Variants in UBE3A observed in about 807,000 individuals in gnomAD.
UBE3A encodes the protein ubiquitin-protein ligase E3A.
A neutral mutation model predicts 83.4 loss-of-function variants in UBE3A; 6 were observed. The ratio of observed to expected loss-of-function variants is 0.07; its 90% CI spans 0.04 to 0.14. UBE3A has a LOEUF of 0.14. Ranked by LOEUF, UBE3A falls within the 10% of genes least tolerant of loss-of-function variation. The probability of loss-of-function intolerance (pLI) is 1.00; values close to 1 mark genes in which losing one functional copy is unlikely to be tolerated. For synonymous variants in UBE3A, 337 were observed against 355.4 expected (o/e 0.95, Z 0.58); for missense variants, 456 against 1,036.1 (o/e 0.44, Z 7.69).
chr15:25,432,533 T>C (rs1893771195), intron 1 of UBE3A, among the ~76,000 whole-genome samples: 1 of 152,206 alleles, frequency 6.6e-6, no homozygotes, highest in Non-Finnish European at 1.5e-5. Context: ...ACATCCTGAA[T>C]TGCTGAAAGT....
intron 6 of UBE3A, among the ~76,000 whole-genome samples, chr15:25,360,902 T>C (rs1022789960): frequency 1.3e-5 from 2 of 152,174 alleles, no homozygotes; most frequent in Admixed American, 1.3e-4. Context: ...AATTGTTCAT[T>C]AGTAGTCCTT....
At chr15:25,361,477 A>G (rs770413382) in intron 6 of UBE3A, among the ~76,000 whole-genome samples, 4 of 152,190 alleles carry the variant, frequency 2.6e-5, no homozygotes, top group Non-Finnish European at 4.4e-5. Flanking sequence ...TTTCTCAACT[A>G]TAAATCTTTT....
intron 3 of UBE3A, chr15:25,408,412 T>G: frequency 1.5e-6 from 1 of 659,542 alleles, no homozygotes; most frequent in South Asian, 2.0e-5. Flanking sequence ...ATTAAACTAT[T>G]GACTTAGGTT....
chr15:25,352,913 A>T (rs2076712416), intron 11 of UBE3A, among the ~76,000 whole-genome samples: 2 of 152,228 alleles, frequency 1.3e-5, no homozygotes, highest in African/African-American at 4.8e-5. Context: ...CTTAAGATAC[A>T]TACCAAGTAG....
chr15:25,401,252 G>T (rs372006206), intron 4 of UBE3A, among the ~76,000 whole-genome samples: 18 of 152,204 alleles, frequency 1.2e-4, no homozygotes, highest in African/African-American at 3.9e-4. Flanking sequence ...AAGAATACGG[G>T]TCTGTAATTT....
chr15:25,407,066 C>G (rs774057617), intron 3 of UBE3A: 1 of 1,347,950 alleles, frequency 7.4e-7, no homozygotes, highest in Non-Finnish European at 9.8e-7. Flanking sequence ...ATGTGACACA[C>G]CTGGTCTCCA....
chr15:25,432,380 G>A (rs1286388785), intron 1 of UBE3A, among the ~76,000 whole-genome samples: 2 of 152,176 alleles, frequency 1.3e-5, no homozygotes, highest in African/African-American at 4.8e-5. Context: ...CTTATTAACA[G>A]AAGCTTGAAA....
chr15:25,423,832 G>A (rs778665546), intron 1 of UBE3A, among the ~76,000 whole-genome samples: 30 of 152,198 alleles, frequency 2.0e-4, no homozygotes, highest in Middle Eastern at 3.4e-3. Context: ...TTGGCATCAT[G>A]TTTTACTCCT....
chr15:25,389,466 T>G (rs2083835028), intron 4 of UBE3A, among the ~76,000 whole-genome samples: 1 of 152,178 alleles, frequency 6.6e-6, no homozygotes, highest in African/African-American at 2.4e-5. Flanking sequence ...AAGCCAGACT[T>G]CATTAAAATT....
At position 25,398,792 on chromosome 15, in the gene UBE3A, T is replaced by C. The variant is rs1407797229; in HGVS notation, c.62+6669A>G. ...TTATTTATATATATATATATATATA[T>C]ATATATATATATATATATATATAAA... On this transcript the variant is annotated intron_variant, in intron 4 of 12. Transcript: ENST00000648336. 6.0e-3 allele frequency among the ~76,000 whole-genome samples: 410 copies of C among 68,576 alleles called. 19 individuals carry two copies. Among genetic ancestry groups the C allele is most frequent in the African/African-American group, 0.021 (383 of 18,620 alleles). 45.0% of individuals were successfully genotyped at this position (68,576 alleles called of 152,430 possible).
chr15:25,353,647 T>C (rs769890424), intron 11 of UBE3A, among the ~76,000 whole-genome samples: 4 of 152,224 alleles, frequency 2.6e-5, no homozygotes, highest in Non-Finnish European at 5.9e-5. Flanking sequence ...ACTTGAGTCT[T>C]AGAGCAATAG....
In UBE3A at chr15:25,383,368, G is replaced by C. The variant is rs28818468; in HGVS notation, c.63-7605C>G. On this transcript the variant is annotated intron_variant, in intron 4 of 12. Transcript: ENST00000648336. Reference sequence around the variant, plus strand: ...GATTTAAAAAAAGGCCAGACAGGGTGGCTCATGCCTGTAATCCCAGCACTT... The same window carrying C: ...GATTTAAAAAAAGGCCAGACAGGGTCGCTCATGCCTGTAATCCCAGCACTT... 3.5e-3 allele frequency among the ~76,000 whole-genome samples: 534 copies of C among 152,282 alleles called. 2 individuals carry two copies. The highest frequency in any genetic ancestry group is 0.012 in the African/African-American group (513 of 41,572).
chr15:25,411,214 AG>A (rs1231614695), intron 2 of UBE3A, among the ~76,000 whole-genome samples: 1 of 152,214 alleles, frequency 6.6e-6, no homozygotes, highest in Non-Finnish European at 1.5e-5. Context: ...AGGTAGAACT[AG>A]GATAATAGTA....
intron 4 of UBE3A, among the ~76,000 whole-genome samples, chr15:25,390,413 A>G (rs922375059): frequency 6.6e-6 from 1 of 152,370 alleles, no homozygotes; most frequent in Non-Finnish European, 1.5e-5. Flanking sequence ...TCATTAGGTG[A>G]ATATTCATTC....
chr15:25,426,636 C>G (rs1390160435), intron 1 of UBE3A, among the ~76,000 whole-genome samples: 2 of 152,142 alleles, frequency 1.3e-5, no homozygotes, highest in Non-Finnish European at 2.9e-5. Flanking sequence ...GACAAAAAAC[C>G]ATTAGCTTCT....
chr15:25,381,034 A>C (rs1477748903), intron 4 of UBE3A, among the ~76,000 whole-genome samples: 1 of 152,242 alleles, frequency 6.6e-6, no homozygotes, highest in East Asian at 1.9e-4. Context: ...CAGTTTAAAA[A>C]TGGTTTCACC....
rs1177073626 is a variant in UBE3A, at chr15:25,337,307, T to C, written c.*1830A>G. 6.6e-6 allele frequency: 1 copy of C among 152,120 alleles called. No homozygotes were observed. Among genetic ancestry groups the C allele is most frequent in the Non-Finnish European group, 1.5e-5 (1 of 68,004 alleles). 9.4% of individuals were successfully genotyped at this position (152,120 alleles called of 1,614,324 possible). A position where few individuals can be genotyped will look rare whatever the true frequency, so the allele number is the denominator to read the frequency against. On this transcript the variant is annotated 3_prime_UTR_variant, in exon 13 of 13. Transcript: ENST00000648336. The stretch of plus-strand genomic sequence containing the variant: ...AGTATTTAATTTCTCCTCACTTTAA[T>C]TACACATTAAGAAGCACAGTGGATG...
chr15:25,382,571 C>G (rs1481675256), intron 4 of UBE3A, among the ~76,000 whole-genome samples: 1 of 146,710 alleles, frequency 6.8e-6, no homozygotes, highest in Non-Finnish European at 1.5e-5. Context: ...TCAAACTTAC[C>G]AAAAAATAAA....
rs2074136233 is a variant in UBE3A, at chr15:25,338,240, A to AAACT, written c.*893_*896dup. 1.3e-5 allele frequency: 2 copies of AAACT among 152,274 alleles called. No homozygotes were observed. The highest frequency in any genetic ancestry group is 3.4e-3 in the Middle Eastern group (1 of 294). The allele number at this position is 152,274 out of a possible 1,614,324, so 9.4% of individuals were successfully genotyped here. A position where few individuals can be genotyped will look rare whatever the true frequency, so the allele number is the denominator to read the frequency against. Reference sequence around the variant, plus strand: ...TTTTTGTTTATAATAAACAAACAACAAACTTCCTAACTTTGTTGCAATAGG... The same window carrying AAACT: ...TTTTTGTTTATAATAAACAAACAACAAACTAACTTCCTAACTTTGTTGCAATAGG... On this transcript the variant is annotated 3_prime_UTR_variant, in exon 13 of 13. Coordinates refer to ENST00000648336, the MANE Select transcript of UBE3A (RefSeq NM_130839.5).
Sources: allele counts gnomAD v4.1 joint callset (sites outside exome capture counted in the v4.1 genomes callset), GRCh38; gene constraint gnomAD v4.1.1; transcripts MANE v1.5; gene names NCBI Gene and HGNC (gene_info 2026-07-23, HGNC 2026-07-21).